TXNL1: variants seen among roughly 807,000 people sequenced by gnomAD.
TXNL1 encodes the protein thioredoxin like 1.
Under a neutral mutation model 35.5 loss-of-function variants are expected in TXNL1, and 14 were observed. The observed-to-expected ratio is 0.39, with a 90% CI of 0.26 to 0.62. The LOEUF (loss-of-function observed/expected upper bound fraction) is 0.62, where lower values mean the gene tolerates loss of function less well. Ranked by LOEUF, TXNL1 falls within the 20% of genes least tolerant of loss-of-function variation. The pLI is 0.47. For synonymous variants in TXNL1, 110 were observed against 115.5 expected, an observed-to-expected ratio of 0.95 and a Z score of 0.31; for missense variants, 263 against 349.7, an observed-to-expected ratio of 0.75 and a Z score of 1.98.
intron 7 of TXNL1, chr18:56,609,054 CAT>C (rs971237775): frequency 2.0e-5 from 3 of 151,178 alleles, no homozygotes; most frequent in Non-Finnish European, 2.9e-5. Flanking sequence ...TATTCATTAA[CAT>C]GTGTTCATTA....
intron 7 of TXNL1, among the ~76,000 whole-genome samples, chr18:56,606,087 A>C (rs1218698559): frequency 6.6e-6 from 1 of 152,224 alleles, no homozygotes; most frequent in Non-Finnish European, 1.5e-5. Flanking sequence ...CAAAATTTTC[A>C]ATTCTAGGCC....
At chr18:56,625,317 A>G (rs1187552391) in intron 2 of TXNL1, among the ~76,000 whole-genome samples, 2 of 152,150 alleles carry the variant, frequency 1.3e-5, no homozygotes, top group African/African-American at 4.8e-5. Flanking sequence ...TATCTATATT[A>G]AAAAAGCAAA....
chr18:56,603,474 T>C (rs955515447), intron 7 of TXNL1, among the ~76,000 whole-genome samples: 5 of 152,124 alleles, frequency 3.3e-5, no homozygotes, highest in African/African-American at 1.2e-4. Context: ...ATGCCCAATA[T>C]AGCAAATTTC....
intron 4 of TXNL1, among the ~76,000 whole-genome samples, chr18:56,616,966 A>G (rs549942382): frequency 6.6e-6 from 1 of 152,304 alleles, no homozygotes; most frequent in African/African-American, 2.4e-5. Flanking sequence ...TGTTTGATGT[A>G]CGTACCTATG....
chr18:56,617,858 A>C, intron 4 of TXNL1, 146 bp downstream of exon 4: 2 of 1,135,088 alleles, frequency 1.8e-6, no homozygotes, highest in Middle Eastern at 2.1e-4. Flanking sequence ...CAAAAAACAA[A>C]AGTCAAAGAA....
In TXNL1 at chr18:56,638,162, C is replaced by A. The variant is rs550171629; in HGVS notation, c.98+181G>T. 2.6e-5 allele frequency among the ~76,000 whole-genome samples: 4 copies of A among 152,300 alleles called. No individual in the cohort carries two copies. In the East Asian group the frequency reaches 5.8e-4, roughly 22 times the overall value. On this transcript the variant is annotated intron_variant, in intron 1 of 7. Transcript: ENST00000217515. The stretch of plus-strand genomic sequence containing the variant: ...CAGGCCCCCGAGCCCGTCTAGGAAC[C>A]CCTGTGCATAAATGGGGGTTCACAC...
chr18:56,614,739 A>G lies in TXNL1; in HGVS notation c.563-143T>C, dbSNP rs1055271312. 3 of 725,186 alleles carry G rather than the reference A, an allele frequency of 4.1e-6. No individual in the cohort carries two copies. The African/African-American group carries it at 5.4e-5, about 13-fold the overall frequency. 44.9% of individuals were successfully genotyped at this position (725,186 alleles called of 1,614,324 possible). A position where few individuals can be genotyped will look rare whatever the true frequency, so the allele number is the denominator to read the frequency against. ...TAACTCCATTATTAGAACTTGTACA[A>G]AAGTCTGAGTATTCAGGTAGCCAAT... On this transcript the variant is annotated intron_variant, in intron 5 of 7. Transcript: ENST00000217515.
At chr18:56,628,919 G>C (rs1211201480) in intron 1 of TXNL1, among the ~76,000 whole-genome samples, 1 of 152,136 alleles carries the variant, frequency 6.6e-6, no homozygotes, top group Non-Finnish European at 1.5e-5. Context: ...TTCACCTTGT[G>C]TTATCCTGAA....
intron 7 of TXNL1, among the ~76,000 whole-genome samples, chr18:56,607,642 G>A (rs1257458360): frequency 2.0e-5 from 3 of 152,138 alleles, no homozygotes; most frequent in African/African-American, 7.2e-5. Context: ...AAGGCAGTGA[G>A]GTCAGGAGTT....
At chr18:56,626,549 A>G in intron 1 of TXNL1, 92 bp from the exon 2 acceptor site, 1 of 1,109,166 alleles carries the variant, frequency 9.0e-7, no homozygotes, top group Non-Finnish European at 1.3e-6. Flanking sequence ...AAACACTGAT[A>G]CTGCTGGCTT....
At chr18:56,626,321 C>A in intron 2 of TXNL1, 40 bp downstream of exon 2, 1 of 1,576,570 alleles carries the variant, frequency 6.3e-7, no homozygotes, top group Non-Finnish European at 8.6e-7. Flanking sequence ...CAAATTTATT[C>A]AAAAGTAAAT....
intron 4 of TXNL1, 53 bp downstream of exon 4, chr18:56,617,951 A>G: frequency 6.3e-7 from 1 of 1,593,556 alleles, no homozygotes; most frequent in South Asian, 1.1e-5. Flanking sequence ...AAGAAACAAG[A>G]GCAGGCATAA....
intron 1 of TXNL1, among the ~76,000 whole-genome samples, chr18:56,637,448 G>A (rs8083551): frequency 0.088 from 13,354 of 152,188 alleles, 1,375 homozygotes; most frequent in African/African-American, 0.25. Context: ...CACAAGGAGA[G>A]ATCTGTGAAA....
chr18:56,625,262 A>G (rs889723771), intron 2 of TXNL1, among the ~76,000 whole-genome samples: 1 of 152,148 alleles, frequency 6.6e-6, no homozygotes, highest in Non-Finnish European at 1.5e-5. Context: ...AAAACAATGG[A>G]TATGTAGCAC....
chr18:56,624,593 T>G (rs1486765070), intron 2 of TXNL1, 132 bp from the exon 3 acceptor site: 1 of 1,068,044 alleles, frequency 9.4e-7, no homozygotes. Context: ...TTTTTGTTAT[T>G]TAAGGAAAAA....
chr18:56,626,267 C>A, intron 2 of TXNL1, 94 bp downstream of exon 2: 1 of 1,525,314 alleles, frequency 6.6e-7, no homozygotes, highest in Non-Finnish European at 8.8e-7. Context: ...GGAATAAGTA[C>A]TATGTGCATC....
At chr18:56,609,117 T>A (rs984368084) in intron 7 of TXNL1, 3 of 152,106 alleles carry the variant, frequency 2.0e-5, no homozygotes, top group African/African-American at 7.2e-5. Context: ...ATGGCAAATA[T>A]CAGATAAATA....
intron 3 of TXNL1, among the ~76,000 whole-genome samples, chr18:56,620,273 ATAT>A (rs1421496557): frequency 6.6e-6 from 1 of 152,126 alleles, no homozygotes; most frequent in African/African-American, 2.4e-5. Context: ...GCCCATGATG[ATAT>A]TATTGAATTT....
intron 7 of TXNL1, among the ~76,000 whole-genome samples, chr18:56,607,130 C>T (rs1254052219): frequency 1.3e-5 from 2 of 151,358 alleles, no homozygotes; most frequent in Non-Finnish European, 2.9e-5. Flanking sequence ...GCTAGAACTA[C>T]AGGTGTGCCC....
Sources: gnomAD v4.1 joint callset for allele counts (sites outside exome capture counted in the v4.1 genomes callset) on GRCh38, gnomAD v4.1.1 for gene constraint, MANE v1.5 for transcripts, NCBI Gene and HGNC (gene_info 2026-07-23, HGNC 2026-07-21) for gene names.